Variants in DRC11 observed in about 807,000 individuals in gnomAD.
The protein encoded by DRC11 is dynein regulatory complex subunit 11.
At chr2:236,448,946 G>A in the DRC11 span, among the ~76,000 whole-genome samples, 8 of 151,124 alleles carry the variant, frequency 5.3e-5, no homozygotes, top group East Asian at 7.9e-4. This position sits in a 1 kb window ranked among gnomAD's most constrained non-coding sequence, Gnocchi z 5.3. Flanking sequence ...TGCAACCTCC[G>A]CCTCCCGGGT....
the DRC11 span, chr2:236,380,556 GT>G: frequency 6.5e-7 from 1 of 1,549,122 alleles, no homozygotes; most frequent in Non-Finnish European, 8.7e-7. The surrounding 1 kb of genome is among the most constrained non-coding windows in gnomAD (Gnocchi z 4.9). Context: ...AACACAACGA[GT>G]CCATTCCTCA....
the DRC11 span, among the ~76,000 whole-genome samples, chr2:236,470,529 G>A: frequency 6.6e-6 from 1 of 152,182 alleles, no homozygotes; most frequent in Non-Finnish European, 1.5e-5. This position sits in a 1 kb window ranked among gnomAD's most constrained non-coding sequence, Gnocchi z 5.1. Context: ...GCACATGGAA[G>A]ACCTCACGCT....
the DRC11 span, among the ~76,000 whole-genome samples, chr2:236,388,387 C>T: frequency 1.3e-5 from 2 of 148,750 alleles, no homozygotes; most frequent in East Asian, 2.0e-4. Context: ...CTCTAAACTT[C>T]CCTTCTCGCT....
the DRC11 span, among the ~76,000 whole-genome samples, chr2:236,347,832 C>T: frequency 2.0e-5 from 3 of 150,790 alleles, no homozygotes; most frequent in African/African-American, 4.9e-5. Context: ...CCAAATACCA[C>T]CTGTACCCCC....
At chr2:236,497,478 A>C in the DRC11 span, 1 of 1,602,740 alleles carries the variant, frequency 6.2e-7, no homozygotes, top group Non-Finnish European at 8.5e-7. The surrounding 1 kb of genome is among the most constrained non-coding windows in gnomAD (Gnocchi z 5.1). Context: ...GCCACATCTT[A>C]TTATACATTC....
the DRC11 span, among the ~76,000 whole-genome samples, chr2:236,399,874 C>G: frequency 6.6e-6 from 1 of 152,154 alleles, no homozygotes; most frequent in South Asian, 2.1e-4. The surrounding 1 kb of genome is among the most constrained non-coding windows in gnomAD (Gnocchi z 7.0). Flanking sequence ...CACCACCACA[C>G]CTGGCTAATT....
the DRC11 span, among the ~76,000 whole-genome samples, chr2:236,309,513 GC>G: frequency 6.6e-6 from 1 of 152,028 alleles, no homozygotes; most frequent in Non-Finnish European, 1.5e-5. The surrounding 1 kb of genome is among the most constrained non-coding windows in gnomAD (Gnocchi z 5.7). Flanking sequence ...AGGTGTGGAG[GC>G]CCCCCAGGCA....
chr2:236,444,012 G>T, the DRC11 span, among the ~76,000 whole-genome samples: 1 of 148,096 alleles, frequency 6.8e-6, no homozygotes, highest in Non-Finnish European at 1.5e-5. Context: ...GTCTGTTCAT[G>T]TCTTTTGCCC....
chr2:236,497,318 C>A, the DRC11 span: 1 of 1,613,838 alleles, frequency 6.2e-7, no homozygotes. The surrounding 1 kb of genome is among the most constrained non-coding windows in gnomAD (Gnocchi z 5.1). Flanking sequence ...ACGAACTGGT[C>A]GTAGACATTC....
At chr2:236,494,901 G>A in the DRC11 span, among the ~76,000 whole-genome samples, 1 of 152,146 alleles carries the variant, frequency 6.6e-6, no homozygotes, top group East Asian at 1.9e-4. The surrounding 1 kb of genome is among the most constrained non-coding windows in gnomAD (Gnocchi z 4.2). Flanking sequence ...GTGGCCTGAG[G>A]AGAGAGGGCA....
At chr2:236,381,240 G>T in the DRC11 span, among the ~76,000 whole-genome samples, 2 of 152,160 alleles carry the variant, frequency 1.3e-5, no homozygotes, top group East Asian at 3.9e-4. The surrounding 1 kb of genome is among the most constrained non-coding windows in gnomAD (Gnocchi z 5.8). Flanking sequence ...CGAGTCCGCT[G>T]GTGTCTTGAT....
chr2:236,350,534 C>T, the DRC11 span, among the ~76,000 whole-genome samples: 1 of 152,238 alleles, frequency 6.6e-6, no homozygotes, highest in African/African-American at 2.4e-5. This position sits in a 1 kb window ranked among gnomAD's most constrained non-coding sequence, Gnocchi z 5.2. Context: ...GTGTGCCAAG[C>T]ACAGCCAGCG....
chr2:236,333,132 C>T, the DRC11 span: 1 of 152,114 alleles, frequency 6.6e-6, no homozygotes, highest in Admixed American at 6.5e-5. The surrounding 1 kb of genome is among the most constrained non-coding windows in gnomAD (Gnocchi z 6.0). Flanking sequence ...GTGCAGCAGC[C>T]CGGCACTTGG....
chr2:236,357,190 T>C, the DRC11 span, among the ~76,000 whole-genome samples: 1 of 123,470 alleles, frequency 8.1e-6, no homozygotes, highest in Non-Finnish European at 1.6e-5. Flanking sequence ...TATATTCATA[T>C]ATATTATAAA....
the DRC11 span, among the ~76,000 whole-genome samples, chr2:236,466,512 G>A: frequency 6.6e-6 from 1 of 152,196 alleles, no homozygotes; most frequent in Non-Finnish European, 1.5e-5. Context: ...AGTTCTGCAG[G>A]CTGTATGAGA....
the DRC11 span, among the ~76,000 whole-genome samples, chr2:236,362,890 A>G: frequency 3.3e-5 from 5 of 152,210 alleles, no homozygotes; most frequent in Non-Finnish European, 7.3e-5. This position sits in a 1 kb window ranked among gnomAD's most constrained non-coding sequence, Gnocchi z 5.7. Context: ...CTAAGGGAAG[A>G]AATCCTACTG....
chr2:236,329,931 A>G, the DRC11 span, among the ~76,000 whole-genome samples: 1 of 152,232 alleles, frequency 6.6e-6, no homozygotes, highest in South Asian at 2.1e-4. Flanking sequence ...GCACCTATAG[A>G]TAGAAAAACT....
chr2:236,320,929 A>G, the DRC11 span, among the ~76,000 whole-genome samples: 1 of 149,688 alleles, frequency 6.7e-6, no homozygotes, highest in Non-Finnish European at 1.5e-5. Context: ...GTTCTAGGGC[A>G]TGGCGGCCTC....
the DRC11 span, chr2:236,497,075 G>T: frequency 2.9e-6 from 3 of 1,023,050 alleles, no homozygotes; most frequent in African/African-American, 3.2e-5. The surrounding 1 kb of genome is among the most constrained non-coding windows in gnomAD (Gnocchi z 5.1). Flanking sequence ...CGGACAGGAA[G>T]TCTGTAGAGT....
Sources: allele counts gnomAD v4.1 joint callset (sites outside exome capture counted in the v4.1 genomes callset), GRCh38; gene constraint gnomAD v4.1.1; non-coding constraint Gnocchi (gnomAD v3.1); transcripts MANE v1.5; gene names NCBI Gene and HGNC (gene_info 2026-07-23, HGNC 2026-07-21).